Variants in SH3BGRL2 observed in about 807,000 individuals in gnomAD.
The protein encoded by SH3BGRL2 is SH3 domain binding glutamate rich protein like 2.
A neutral mutation model predicts 14.8 loss-of-function variants in SH3BGRL2; 21 were observed. The observed-to-expected ratio is 1.42, with a 90% CI of 1.01 to 2.05. The LOEUF is 2.05. SH3BGRL2 is among the 30% of genes most tolerant of loss of function. The pLI is 0.00. For missense variants in SH3BGRL2, 147 were observed against 130.8 expected, an observed-to-expected ratio of 1.12 and a Z score of -0.61; for synonymous variants, 50 against 47.8, an observed-to-expected ratio of 1.05 and a Z score of -0.19.
At chr6:79,675,336 AT>A (rs1181232711) in intron 2 of SH3BGRL2, among the ~76,000 whole-genome samples, 1 of 152,144 alleles carries the variant, frequency 6.6e-6, no homozygotes, top group Non-Finnish European at 1.5e-5. Context: ...GAGATGTCTA[AT>A]GCCATTTTCC....
chr6:79,550,679 TG>T, the SH3BGRL2 span, among the ~76,000 whole-genome samples: 1 of 152,190 alleles, frequency 6.6e-6, no homozygotes, highest in East Asian at 1.9e-4. Flanking sequence ...GTCTACAGGA[TG>T]ATCACCAAGT....
chr6:79,617,053 C>T, the SH3BGRL2 span, among the ~76,000 whole-genome samples: 5 of 151,858 alleles, frequency 3.3e-5, no homozygotes, highest in East Asian at 3.9e-4. Flanking sequence ...GGTGTGGTGG[C>T]GCATGTCTGT....
intron 1 of SH3BGRL2, among the ~76,000 whole-genome samples, chr6:79,663,036 T>C (rs1019873700): frequency 6.6e-6 from 1 of 152,220 alleles, no homozygotes; most frequent in African/African-American, 2.4e-5. Context: ...TTATTCTAGT[T>C]AGCCATTTGT....
intron 2 of SH3BGRL2, among the ~76,000 whole-genome samples, chr6:79,674,630 G>A (rs769837651): frequency 5.3e-5 from 8 of 152,170 alleles, no homozygotes; most frequent in Non-Finnish European, 1.0e-4. Context: ...TGTAATTAGC[G>A]TGGAGGAAAG....
chr6:79,584,922 A>G, the SH3BGRL2 span, among the ~76,000 whole-genome samples: 1 of 152,148 alleles, frequency 6.6e-6, no homozygotes, highest in South Asian at 2.1e-4. Flanking sequence ...CTTGTGAACA[A>G]ATATACCATA....
At chr6:79,673,457 A>G (rs1769815147) in intron 1 of SH3BGRL2, among the ~76,000 whole-genome samples, 157 bp from the exon 2 acceptor site, 1 of 152,196 alleles carries the variant, frequency 6.6e-6, no homozygotes, top group Non-Finnish European at 1.5e-5. Context: ...GGGCTGGCTC[A>G]GTCTTCCACT....
the SH3BGRL2 span, among the ~76,000 whole-genome samples, chr6:79,585,764 T>C: frequency 7.0e-6 from 1 of 143,838 alleles, no homozygotes. Context: ...TTTACTTTTT[T>C]GCTTTTTTTT....
intron 2 of SH3BGRL2, among the ~76,000 whole-genome samples, chr6:79,696,102 A>G (rs1248386743): frequency 6.6e-6 from 1 of 152,180 alleles, no homozygotes; most frequent in Non-Finnish European, 1.5e-5. Flanking sequence ...ACCCTAGATA[A>G]CAAAATATCA....
the SH3BGRL2 span, among the ~76,000 whole-genome samples, chr6:79,569,935 A>G: frequency 2.6e-5 from 4 of 152,160 alleles, no homozygotes; most frequent in Non-Finnish European, 5.9e-5. Flanking sequence ...CCCAAACTGT[A>G]TAGAGTAAGA....
the SH3BGRL2 span, among the ~76,000 whole-genome samples, chr6:79,581,303 T>C: frequency 6.6e-6 from 1 of 152,124 alleles, no homozygotes; most frequent in Non-Finnish European, 1.5e-5. Flanking sequence ...GCCAGCATCA[T>C]CCTGATACCA....
the SH3BGRL2 span, among the ~76,000 whole-genome samples, chr6:79,586,563 G>A: frequency 6.0e-4 from 91 of 152,056 alleles, no homozygotes; most frequent in African/African-American, 2.1e-3. Flanking sequence ...AACATTTAAG[G>A]CAACATAAAT....
chr6:79,634,586 G>T (rs1358972671), intron 1 of SH3BGRL2, among the ~76,000 whole-genome samples: 5 of 152,140 alleles, frequency 3.3e-5, no homozygotes, highest in Admixed American at 1.3e-4. Context: ...CCGTCAGTCA[G>T]TTATTTCATT....
chr6:79,680,917 A>G (rs1280546784), intron 2 of SH3BGRL2, among the ~76,000 whole-genome samples: 1 of 152,132 alleles, frequency 6.6e-6, no homozygotes, highest in Admixed American at 6.5e-5. Context: ...TTGATTTTGT[A>G]TCCTACAACT....
chr6:79,630,923 G>A (rs577908801), upstream of SH3BGRL2, among the ~76,000 whole-genome samples: 1 of 152,158 alleles, frequency 6.6e-6, no homozygotes, highest in Non-Finnish European at 1.5e-5. Context: ...GGGTTTGCCC[G>A]GTACGCCAGC....
chr6:79,557,229 T>C, the SH3BGRL2 span, among the ~76,000 whole-genome samples: 1 of 151,704 alleles, frequency 6.6e-6, no homozygotes, highest in Non-Finnish European at 1.5e-5. Flanking sequence ...AAACAGAAAA[T>C]TTAAAGAGTT....
chr6:79,670,375 A>G (rs543073626), intron 1 of SH3BGRL2, among the ~76,000 whole-genome samples: 1 of 152,108 alleles, frequency 6.6e-6, no homozygotes, highest in African/African-American at 2.4e-5. Context: ...GGTGAAATGC[A>G]CTCTTCGTCC....
chr6:79,620,523 C>A, the SH3BGRL2 span, among the ~76,000 whole-genome samples: 2 of 151,902 alleles, frequency 1.3e-5, no homozygotes, highest in Non-Finnish European at 2.9e-5. Context: ...ATAACTGTTT[C>A]ATGGGACTTT....
the SH3BGRL2 span, among the ~76,000 whole-genome samples, chr6:79,605,844 A>G: frequency 6.6e-6 from 1 of 152,236 alleles, no homozygotes; most frequent in African/African-American, 2.4e-5. Context: ...GACTGAAGGC[A>G]TTATGGTAGA....
the SH3BGRL2 span, among the ~76,000 whole-genome samples, chr6:79,604,303 C>A: frequency 3.3e-5 from 5 of 152,218 alleles, no homozygotes; most frequent in African/African-American, 1.2e-4. Context: ...AAAATCCAAG[C>A]TAGGAAGTTC....
Sources: allele counts gnomAD v4.1 joint callset (sites outside exome capture counted in the v4.1 genomes callset), GRCh38; gene constraint gnomAD v4.1.1; transcripts MANE v1.5; gene names NCBI Gene and HGNC (gene_info 2026-07-23, HGNC 2026-07-21).